The following RGL1 variants were observed in gnomAD, a reference collection of about 807,000 sequenced individuals.
RGL1 encodes ral guanine nucleotide dissociation stimulator-like 1.
Under a neutral mutation model 95.2 loss-of-function variants are expected in RGL1, and 24 were observed. The observed-to-expected ratio is 0.25, with a 90% CI of 0.18 to 0.35. The LOEUF is 0.35. Ranked by LOEUF, RGL1 falls within the 10% of genes least tolerant of loss-of-function variation. The pLI is 1.00. For missense variants in RGL1, 715 were observed against 936.3 expected, an observed-to-expected ratio of 0.76 and a Z score of 3.08; for synonymous variants, 329 against 344.9, an observed-to-expected ratio of 0.95 and a Z score of 0.51.
chr1:183,902,539 C>T, intron 11 of RGL1, 29 bp from the exon 12 acceptor site: 2 of 1,597,040 alleles, frequency 1.3e-6, no homozygotes, highest in Non-Finnish European at 1.7e-6. Flanking sequence ...AGCTTGGTTG[C>T]TCACTCTTTT....
At chr1:183,851,700 T>C (rs1412801682) in intron 3 of RGL1, among the ~76,000 whole-genome samples, 2 of 152,234 alleles carry the variant, frequency 1.3e-5, no homozygotes, top group African/African-American at 4.8e-5. Flanking sequence ...TAGATTATTC[T>C]GCAGAAATTG....
intron 8 of RGL1, among the ~76,000 whole-genome samples, chr1:183,890,644 G>A (rs1188431710): frequency 6.6e-6 from 1 of 152,130 alleles, no homozygotes; most frequent in Non-Finnish European, 1.5e-5. Context: ...AAGGAGTGTA[G>A]TACTGATACA....
intron 3 of RGL1, among the ~76,000 whole-genome samples, chr1:183,862,551 T>G (rs1665575276): frequency 6.6e-6 from 1 of 152,236 alleles, no homozygotes; most frequent in African/African-American, 2.4e-5. Flanking sequence ...CTTTAACATC[T>G]TAAAACTTTT....
At chr1:183,894,299 G>GT (rs1667572383) in intron 9 of RGL1, among the ~76,000 whole-genome samples, 1 of 152,218 alleles carries the variant, frequency 6.6e-6, no homozygotes, top group Non-Finnish European at 1.5e-5. Flanking sequence ...AAGTGAAGCT[G>GT]TATCTAGACA....
At chr1:183,775,328 A>C (rs1659535980) in intron 2 of RGL1, among the ~76,000 whole-genome samples, 1 of 152,184 alleles carries the variant, frequency 6.6e-6, no homozygotes, top group Non-Finnish European at 1.5e-5. Flanking sequence ...TCACCACTTA[A>C]CTTCTTATTT....
intron 2 of RGL1, among the ~76,000 whole-genome samples, chr1:183,842,637 A>G (rs1664139718): frequency 6.6e-6 from 1 of 152,220 alleles, no homozygotes; most frequent in Non-Finnish European, 1.5e-5. Context: ...TTGTGGTCAC[A>G]GTACCGTGAT....
chr1:183,919,936 A>G (rs1361611799), intron 16 of RGL1, among the ~76,000 whole-genome samples: 1 of 152,230 alleles, frequency 6.6e-6, no homozygotes, highest in Admixed American at 6.5e-5. Context: ...GATTTTGAAC[A>G]CTTAGTACAA....
chr1:183,821,753 A>T (rs763728597), intron 2 of RGL1, among the ~76,000 whole-genome samples: 1 of 152,260 alleles, frequency 6.6e-6, no homozygotes, highest in Admixed American at 6.5e-5. Flanking sequence ...GCTCAACCCT[A>T]AAGTGTCCCT....
At chr1:183,769,647 C>T (rs1377451323) in intron 2 of RGL1, among the ~76,000 whole-genome samples, 2 of 152,216 alleles carry the variant, frequency 1.3e-5, no homozygotes, top group Non-Finnish European at 2.9e-5. Context: ...AACTCTGTAG[C>T]CATGAGATAG....
intron 2 of RGL1, among the ~76,000 whole-genome samples, chr1:183,748,970 C>T (rs775920822): frequency 6.6e-6 from 1 of 152,156 alleles, no homozygotes; most frequent in Non-Finnish European, 1.5e-5. Flanking sequence ...TTTGATTGCA[C>T]TGTGGTCTAA....
intron 13 of RGL1, among the ~76,000 whole-genome samples, chr1:183,906,216 G>A (rs1360842633): frequency 6.6e-6 from 1 of 152,160 alleles, no homozygotes; most frequent in Non-Finnish European, 1.5e-5. Context: ...CTCTGAAGAT[G>A]GCTGTATAAT....
intron 1 of RGL1, among the ~76,000 whole-genome samples, chr1:183,805,996 T>TTTTTTTTTTTTTTTTTTTTTTTTTTTTTC (rs1661301000): frequency 3.7e-5 from 3 of 81,648 alleles, no homozygotes; most frequent in Non-Finnish European, 4.7e-5. Flanking sequence ...TTTTTTTTTT[T>TTTTTTTTTTTTTTTTTTTTTTTTTTTTTC]TTTTTTTTTT....
At chr1:183,895,210 C>T (rs1333411824) in intron 9 of RGL1, among the ~76,000 whole-genome samples, 1 of 152,140 alleles carries the variant, frequency 6.6e-6, no homozygotes, top group African/African-American at 2.4e-5. Context: ...CTGGTAGCTA[C>T]TGAGCTTAAG....
At chr1:183,804,153 C>T (rs148264885), upstream of RGL1, among the ~76,000 whole-genome samples, 1 of 151,932 alleles carries the variant, frequency 6.6e-6, no homozygotes, top group Admixed American at 6.6e-5. Context: ...TACCATTAAC[C>T]AAAACCCAGG....
At chr1:183,869,293 A>C (rs1205373255) in intron 4 of RGL1, among the ~76,000 whole-genome samples, 1 of 152,196 alleles carries the variant, frequency 6.6e-6, no homozygotes, top group Non-Finnish European at 1.5e-5. Flanking sequence ...TAGGAACACT[A>C]ATGTGAATGA....
intron 7 of RGL1, among the ~76,000 whole-genome samples, chr1:183,886,241 A>T (rs191321066): frequency 6.6e-6 from 1 of 152,310 alleles, no homozygotes; most frequent in African/African-American, 2.4e-5. Context: ...TTAGTGTATT[A>T]TGAAAGTCAG....
rs767836174 is a variant in RGL1 at position 183,902,564 on chromosome 1, T to A, written c.1318-4T>A. 6.2e-7 allele frequency: 1 copy of A among 1,608,116 alleles called. No individual in the cohort carries two copies. Among genetic ancestry groups the A allele is most frequent in the Non-Finnish European group, 8.5e-7 (1 of 1,178,012 alleles). On this transcript the variant is annotated splice_polypyrimidine_tract_variant and splice_region_variant and intron_variant, in intron 11 of 17. Transcript: ENST00000360851. ...CTCACTCTTTTTATTAAAATTTCTT[T>A]TAGGGTGGACTGATAAACTTTGAGA...
At chr1:183,748,657 C>T (rs576222793) in intron 2 of RGL1, among the ~76,000 whole-genome samples, 3 of 152,148 alleles carry the variant, frequency 2.0e-5, no homozygotes, top group East Asian at 1.9e-4. Context: ...CTGCCTGCCT[C>T]GGCCTGCCAA....
intron 1 of RGL1, among the ~76,000 whole-genome samples, chr1:183,725,957 G>A (rs1337225957): frequency 2.0e-5 from 3 of 152,106 alleles, no homozygotes; most frequent in African/African-American, 7.2e-5. Context: ...ATGATATAGA[G>A]TATGTTTTCT....
Sources: allele counts gnomAD v4.1 joint callset (sites outside exome capture counted in the v4.1 genomes callset), GRCh38; gene constraint gnomAD v4.1.1; transcripts MANE v1.5; gene names NCBI Gene and HGNC (gene_info 2026-07-23, HGNC 2026-07-21).